The following VSTM2B variants were observed in gnomAD, a reference collection of about 807,000 sequenced individuals.
The protein encoded by VSTM2B is V-set and transmembrane domain-containing protein 2B.
VSTM2B carries 24 observed loss-of-function variants against 24.0 expected under a neutral mutation model. That is an observed-to-expected ratio of 1.00 (90% CI 0.72 to 1.40). The LOEUF (loss-of-function observed/expected upper bound fraction) is 1.40. VSTM2B is among the 40% of genes most tolerant of loss of function. The probability of loss-of-function intolerance (pLI) is 0.00; values close to 1 mark genes in which losing one functional copy is unlikely to be tolerated. For missense variants in VSTM2B, 399 were observed against 416.4 expected, an observed-to-expected ratio of 0.96 and a Z score of 0.36; for synonymous variants, 226 against 194.4, an observed-to-expected ratio of 1.16 and a Z score of -1.35.
intron 3 of VSTM2B, 69 bp downstream of exon 3, chr19:29,528,531 C>T (rs1239278751): frequency 3.3e-6 from 5 of 1,535,772 alleles, no homozygotes; most frequent in Non-Finnish European, 3.5e-6. Flanking sequence ...CAGCTCCCTC[C>T]CTTAGCAAGC....
In VSTM2B at chr19:29,554,643, G is replaced by T. The variant is rs569112234; in HGVS notation, c.770-9203G>T. 4.6e-5 allele frequency among the ~76,000 whole-genome samples: 7 copies of T among 152,288 alleles called. No homozygotes were observed. The South Asian group carries it at 1.5e-3, about 32-fold the overall frequency. On this transcript the variant is annotated intron_variant, in intron 4 of 4. Coordinates refer to ENST00000335523, the MANE Select transcript of VSTM2B (RefSeq NM_001146339.2). The stretch of plus-strand genomic sequence containing the variant: ...GAATGGCAGGCTGATAAAGAGTCAG[G>T]ACCCATTGGTGTGCTGTATTCAAGA...
In VSTM2B at chr19:29,526,261, C is replaced by G. The variant is rs1383362155; in HGVS notation, c.-323C>G. Reference sequence around the variant, plus strand: ...CCGGCGCGGCCCAGCCCCTGCCCGGCCCGCCGGGCAGAGACTGAACCGCGG... The same window carrying G: ...CCGGCGCGGCCCAGCCCCTGCCCGGGCCGCCGGGCAGAGACTGAACCGCGG... On this transcript the variant is annotated 5_prime_UTR_variant, in exon 1 of 5. Transcript: ENST00000335523. This position sits in a 1 kb window ranked among gnomAD's most constrained non-coding sequence, Gnocchi z 4.1. 2.0e-5 allele frequency among the ~76,000 whole-genome samples: 3 copies of G among 151,922 alleles called. No homozygotes were observed. Among genetic ancestry groups the G allele is most frequent in the Non-Finnish European group, 4.4e-5 (3 of 67,926 alleles).
intron 4 of VSTM2B, among the ~76,000 whole-genome samples, chr19:29,549,910 T>A (rs1379311372): frequency 1.3e-5 from 2 of 152,198 alleles, no homozygotes; most frequent in African/African-American, 4.8e-5. Flanking sequence ...GAAGAGCAGG[T>A]CTGCTCCCAG....
intron 4 of VSTM2B, among the ~76,000 whole-genome samples, chr19:29,547,514 A>G (rs1347810935): frequency 1.3e-5 from 2 of 152,188 alleles, no homozygotes; most frequent in Non-Finnish European, 2.9e-5. Context: ...ACTAGAGGTC[A>G]TCAGTTGCAA....
chr19:29,550,500 T>A (rs1970253579), intron 4 of VSTM2B, among the ~76,000 whole-genome samples: 2 of 152,264 alleles, frequency 1.3e-5, no homozygotes, highest in African/African-American at 4.8e-5. Flanking sequence ...GGCCTTGATC[T>A]GCTTGACACA....
chr19:29,535,676 A>G (rs1254027901), intron 4 of VSTM2B, among the ~76,000 whole-genome samples: 1 of 152,198 alleles, frequency 6.6e-6, no homozygotes, highest in Non-Finnish European at 1.5e-5. Flanking sequence ...GCCGTGGGCA[A>G]GGTGGAGACA....
chr19:29,536,235 G>A (rs947472998), intron 4 of VSTM2B, among the ~76,000 whole-genome samples: 5 of 152,238 alleles, frequency 3.3e-5, no homozygotes, highest in Admixed American at 1.3e-4. Flanking sequence ...GGGCACCCAG[G>A]TAATTCCAGG....
rs939489878 is a variant in VSTM2B at position 29,540,195 on chromosome 19, G to A, written c.769+9905G>A. Reference sequence around the variant, plus strand: ...TCCGAGTGGGGGGTGGGGATTCCTGGTCTGCTGTATCTGGTCTGGCCCAGG... The same window carrying A: ...TCCGAGTGGGGGGTGGGGATTCCTGATCTGCTGTATCTGGTCTGGCCCAGG... On this transcript the variant is annotated intron_variant, in intron 4 of 4. Coordinates refer to ENST00000335523, the MANE Select transcript of VSTM2B (RefSeq NM_001146339.2). Among the ~76,000 whole-genome samples the A allele has an allele frequency of 7.9e-4, 121 of 152,238 alleles. 1 individual carries two copies. The highest frequency in any genetic ancestry group is 2.8e-3 in the African/African-American group (115 of 41,458).
intron 4 of VSTM2B, among the ~76,000 whole-genome samples, chr19:29,531,168 G>C (rs1385204824): frequency 6.6e-6 from 1 of 152,038 alleles, no homozygotes; most frequent in Non-Finnish European, 1.5e-5. Context: ...TCCTCCCAAG[G>C]CATCCCCCAC....
intron 4 of VSTM2B, among the ~76,000 whole-genome samples, chr19:29,554,597 A>G (rs897549710): frequency 3.3e-5 from 5 of 152,198 alleles, no homozygotes; most frequent in Admixed American, 2.0e-4. Context: ...AAAGCTCTAA[A>G]TGCCCCAATT....
At chr19:29,554,013 C>G (rs971650320) in intron 4 of VSTM2B, among the ~76,000 whole-genome samples, 1 of 152,120 alleles carries the variant, frequency 6.6e-6, no homozygotes, top group African/African-American at 2.4e-5. Context: ...CAATATCATC[C>G]AGGAGAACTT....
At chr19:29,525,922 T>C (rs1263216519), upstream of VSTM2B, among the ~76,000 whole-genome samples, 1 of 148,584 alleles carries the variant, frequency 6.7e-6, no homozygotes, top group Non-Finnish European at 1.5e-5. Context: ...GCGGGGGCGA[T>C]GCAGCGGTGG....
At chr19:29,563,275 C>T (rs1395946317) in intron 4 of VSTM2B, among the ~76,000 whole-genome samples, 7 of 149,040 alleles carry the variant, frequency 4.7e-5, no homozygotes, top group African/African-American at 1.5e-4. Flanking sequence ...TTTTTTGAGA[C>T]AGAGTCTCAC....
At chr19:29,561,031 G>A (rs962382165) in intron 4 of VSTM2B, among the ~76,000 whole-genome samples, 8 of 152,224 alleles carry the variant, frequency 5.3e-5, no homozygotes, top group African/African-American at 1.9e-4. Context: ...AGAGCCAGGG[G>A]CCAGGCACAA....
Position 29,526,765 on chromosome 19 carries a change from G to C in VSTM2B, c.82+100G>C. The C allele has an allele frequency of 8.6e-7, 1 of 1,163,074 alleles. No individual in the cohort carries two copies. Among genetic ancestry groups the C allele is most frequent in the Non-Finnish European group, 1.2e-6 (1 of 832,122 alleles). 72.0% of individuals were successfully genotyped at this position (1,163,074 alleles called of 1,614,324 possible). On this transcript the variant is annotated intron_variant, in intron 1 of 4. Transcript: ENST00000335523. The surrounding 1 kb of genome is among the most constrained non-coding windows in gnomAD (Gnocchi z 4.1). ...AAGAGAACGAACCGGGAAGCTTCGC[G>C]GTCTCCAGCAATCCCGCTGTGCAGC...
In VSTM2B at chr19:29,526,563, C is replaced by T. The variant is rs1342124810; in HGVS notation, c.-21C>T. ...CCTCTCCGCTCCCGGGCCCCCGCCGCCACCGCGCCCCCCGCGGGAGATGGA... is the reference window on the plus strand; with the variant it reads ...CCTCTCCGCTCCCGGGCCCCCGCCGTCACCGCGCCCCCCGCGGGAGATGGA... On this transcript the variant is annotated 5_prime_UTR_variant, in exon 1 of 5. Transcript: ENST00000335523. The surrounding 1 kb of genome is among the most constrained non-coding windows in gnomAD (Gnocchi z 4.1). The T allele has an allele frequency of 3.3e-6, 5 of 1,499,572 alleles. No homozygotes were observed. The highest frequency in any genetic ancestry group is 4.5e-4 in the Middle Eastern group (2 of 4,462). 92.9% of individuals were successfully genotyped at this position (1,499,572 alleles called of 1,614,324 possible). A position where few individuals can be genotyped will look rare whatever the true frequency, so the allele number is the denominator to read the frequency against.
chr19:29,562,156 T>A (rs1970542821), intron 4 of VSTM2B, among the ~76,000 whole-genome samples: 1 of 152,172 alleles, frequency 6.6e-6, no homozygotes, highest in Non-Finnish European at 1.5e-5. Flanking sequence ...AGTGGTCAGG[T>A]GGAATCCTGG....
At chr19:29,534,251 C>T (rs1204156327) in intron 4 of VSTM2B, among the ~76,000 whole-genome samples, 1 of 152,174 alleles carries the variant, frequency 6.6e-6, no homozygotes, top group East Asian at 1.9e-4. Flanking sequence ...CCACAGTCAC[C>T]CAGCAAGGAT....
chr19:29,547,418 A>G (rs1327638747), intron 4 of VSTM2B, among the ~76,000 whole-genome samples: 2 of 152,210 alleles, frequency 1.3e-5, no homozygotes, highest in Non-Finnish European at 2.9e-5. Flanking sequence ...CCTGGCCCTA[A>G]TAAGTGCTGG....
Sources: gnomAD v4.1 joint callset for allele counts (sites outside exome capture counted in the v4.1 genomes callset) on GRCh38, gnomAD v4.1.1 for gene constraint, Gnocchi (gnomAD v3.1) non-coding constraint, MANE v1.5 for transcripts, NCBI Gene and HGNC (gene_info 2026-07-23, HGNC 2026-07-21) for gene names.